Variants in IQGAP2 observed in about 807,000 individuals in gnomAD.
IQGAP2 encodes IQ motif containing GTPase activating protein 2.
IQGAP2 carries 173 observed loss-of-function variants against 201.3 expected under a neutral mutation model. The ratio of observed to expected loss-of-function variants is 0.86; its 90% confidence interval spans 0.76 to 0.98. The LOEUF is 0.98. IQGAP2 is among the 50% of genes least tolerant of loss of function. The pLI is 0.00. For missense variants in IQGAP2, 1,687 were observed against 1,864.8 expected (o/e 0.90, Z 1.76); for synonymous variants, 675 against 673.9 (o/e 1.00, Z -0.03).
chr5:76,534,506 C>T (rs1481679075), intron 2 of IQGAP2, among the ~76,000 whole-genome samples: 2 of 152,198 alleles, frequency 1.3e-5, no homozygotes, highest in Non-Finnish European at 2.9e-5. Context: ...TACATAATTA[C>T]GTTCTCTATG....
chr5:76,680,694 G>C (rs1252737368), intron 28 of IQGAP2, among the ~76,000 whole-genome samples: 1 of 150,144 alleles, frequency 6.7e-6, no homozygotes, highest in Non-Finnish European at 1.5e-5. Context: ...GAGAGAATGA[G>C]ACAGGAGGAT....
chr5:76,623,936 C>CT (rs368076875), intron 13 of IQGAP2, among the ~76,000 whole-genome samples: 32,135 of 100,612 alleles, frequency 0.32, 5,774 homozygotes, highest in Middle Eastern at 0.41. Flanking sequence ...TTTGTTCAGG[C>CT]TTTTTTTTTT....
intron 31 of IQGAP2, among the ~76,000 whole-genome samples, chr5:76,694,471 C>T (rs182080516): frequency 6.6e-6 from 1 of 152,154 alleles, no homozygotes; most frequent in Non-Finnish European, 1.5e-5. Context: ...ATCAACTATA[C>T]CTCTGCACCT....
At chr5:76,681,876 A>G (rs1338674291) in intron 28 of IQGAP2, among the ~76,000 whole-genome samples, 1 of 152,238 alleles carries the variant, frequency 6.6e-6, no homozygotes, top group Admixed American at 6.5e-5. Flanking sequence ...TATTCATACA[A>G]TACAATATTA....
chr5:76,481,752 G>A (rs1268456362), intron 2 of IQGAP2, among the ~76,000 whole-genome samples: 2 of 152,180 alleles, frequency 1.3e-5, no homozygotes, highest in Non-Finnish European at 1.5e-5. Context: ...ACTAACTGAT[G>A]TGTATTTTAC....
intron 2 of IQGAP2, among the ~76,000 whole-genome samples, chr5:76,463,992 C>T (rs995921945): frequency 7.2e-5 from 11 of 151,912 alleles, no homozygotes; most frequent in African/African-American, 1.7e-4. Context: ...AGATTACAGG[C>T]GCTCACCACT....
chr5:76,539,733 G>A (rs943744794), intron 2 of IQGAP2, among the ~76,000 whole-genome samples: 1 of 152,158 alleles, frequency 6.6e-6, no homozygotes, highest in Non-Finnish European at 1.5e-5. Context: ...GAAGCCATAG[G>A]GGGCAGTGTC....
At chr5:76,593,764 A>C (rs1319690455) in intron 9 of IQGAP2, among the ~76,000 whole-genome samples, 2 of 152,220 alleles carry the variant, frequency 1.3e-5, no homozygotes, top group Non-Finnish European at 2.9e-5. Context: ...TGCGAAATTA[A>C]AATTTGGAGT....
At chr5:76,525,742 T>G (rs1044423478) in intron 2 of IQGAP2, among the ~76,000 whole-genome samples, 1 of 152,210 alleles carries the variant, frequency 6.6e-6, no homozygotes, top group Non-Finnish European at 1.5e-5. Flanking sequence ...TACCAAAATA[T>G]TTAAGAAAAC....
chr5:76,513,570 G>C (rs763876607), intron 2 of IQGAP2, among the ~76,000 whole-genome samples: 1 of 152,222 alleles, frequency 6.6e-6, no homozygotes, highest in Non-Finnish European at 1.5e-5. Flanking sequence ...CAGTGAAAGA[G>C]TTAGTGGAAG....
chr5:76,575,781 A>T lies in IQGAP2; in HGVS notation c.458+12A>T. On this transcript the variant is annotated intron_variant, in intron 5 of 35. Transcript: ENST00000274364. ...ATTCACGCACTGAGGTAGGGGGAAA[A>T]TGCAGCTAAAAGGTGCTCTAAGAAG... 1 of 1,508,690 alleles carries T rather than the reference A, an allele frequency of 6.6e-7. No individual in the cohort carries two copies. The highest frequency in any genetic ancestry group is 9.0e-7 in the Non-Finnish European group (1 of 1,107,798). The allele number at this position is 1,508,690 out of a possible 1,614,324, so 93.5% of individuals were successfully genotyped here.
chr5:76,417,975 G>A lies in IQGAP2; in HGVS notation c.46+14384G>A, dbSNP rs187592163. Among the ~76,000 whole-genome samples, 755 of 151,548 alleles carry A rather than the reference G, an allele frequency of 5.0e-3. 4 individuals carry two copies. Among genetic ancestry groups the A allele is most frequent in the Non-Finnish European group, 8.7e-3 (589 of 67,872 alleles). Reference sequence around the variant, plus strand: ...TGTAATCCCAGCACTTTGGGAGGCCGAGGCAGGCAGATCATGAGGTCAGGA... The same window carrying A: ...TGTAATCCCAGCACTTTGGGAGGCCAAGGCAGGCAGATCATGAGGTCAGGA... On this transcript the variant is annotated intron_variant, in intron 1 of 35. Coordinates refer to ENST00000274364, the MANE Select transcript of IQGAP2 (RefSeq NM_006633.5).
At chr5:76,476,139 G>C (rs138002727) in intron 2 of IQGAP2, among the ~76,000 whole-genome samples, 1 of 152,146 alleles carries the variant, frequency 6.6e-6, no homozygotes, top group Non-Finnish European at 1.5e-5. Context: ...TAGTGATAAC[G>C]TGCAAGGTGT....
chr5:76,671,671 G>T, intron 23 of IQGAP2, 88 bp from the exon 24 acceptor site: 1 of 941,820 alleles, frequency 1.1e-6, no homozygotes, highest in Non-Finnish European at 1.6e-6. Context: ...CTGGGTGACA[G>T]AGCAAGACTG....
chr5:76,519,027 A>C (rs1561433714), intron 2 of IQGAP2, among the ~76,000 whole-genome samples: 1 of 152,166 alleles, frequency 6.6e-6, no homozygotes, highest in Non-Finnish European at 1.5e-5. Flanking sequence ...TAACAAACCC[A>C]ACACAGATAT....
At chr5:76,444,074 A>G (rs1407845334) in intron 1 of IQGAP2, among the ~76,000 whole-genome samples, 1 of 152,148 alleles carries the variant, frequency 6.6e-6, no homozygotes, top group African/African-American at 2.4e-5. Context: ...TCACAATAGT[A>G]GAAAGAATTA....
At chr5:76,601,013 C>T in intron 11 of IQGAP2, 41 bp downstream of exon 11, 1 of 1,585,474 alleles carries the variant, frequency 6.3e-7, no homozygotes, top group Non-Finnish European at 8.6e-7. Context: ...TGCAGAAATG[C>T]ATGTTTGGCA....
chr5:76,491,594 G>A (rs981797032), intron 2 of IQGAP2, among the ~76,000 whole-genome samples: 1 of 151,968 alleles, frequency 6.6e-6, no homozygotes, highest in Admixed American at 6.6e-5. Flanking sequence ...GTGAGCCACC[G>A]CACCTGGCCG....
intron 2 of IQGAP2, among the ~76,000 whole-genome samples, chr5:76,477,180 C>CA (rs543226568): frequency 0.014 from 2,086 of 145,214 alleles, 39 homozygotes; most frequent in African/African-American, 0.045. Context: ...GCACAAAATA[C>CA]AAAAAAAAAA....
Sources: gnomAD v4.1 joint callset for allele counts (sites outside exome capture counted in the v4.1 genomes callset) on GRCh38, gnomAD v4.1.1 for gene constraint, MANE v1.5 for transcripts, NCBI Gene and HGNC (gene_info 2026-07-23, HGNC 2026-07-21) for gene names.